The following LRCH2 variants were observed in gnomAD, a reference collection of about 807,000 sequenced individuals.
LRCH2 encodes the protein leucine rich repeats and calponin homology domain containing 2.
In LRCH2, 38 loss-of-function variants were observed where a neutral mutation model predicts 68.9. The observed-to-expected ratio is 0.55, with a 90% CI of 0.43 to 0.72. The LOEUF (loss-of-function observed/expected upper bound fraction) is 0.72, where lower values mean the gene tolerates loss of function less well. LRCH2 is among the 30% of genes least tolerant of loss of function. LRCH2 has a pLI of 0.00. For synonymous variants in LRCH2, 191 were observed against 208.1 expected (o/e 0.92, Z 0.71); for missense variants, 528 against 572.9 (o/e 0.92, Z 0.80).
At chrX:115,139,938 C>T in intron 14 of LRCH2, among the ~76,000 whole-genome samples, 1 of 111,353 alleles carries the variant, frequency 9.0e-6, no homozygotes, top group South Asian at 3.8e-4. Context: ...ACAAGGATTG[C>T]AATTTCTAGG....
At chrX:115,177,167 C>T (rs1556550830) in intron 5 of LRCH2, among the ~76,000 whole-genome samples, 1 of 101,939 alleles carries the variant, frequency 9.8e-6, no homozygotes, top group African/African-American at 3.6e-5. Flanking sequence ...TGGGTTCTAA[C>T]AATCCTCCCA....
At chrX:115,178,789 A>G (rs149327790) in intron 5 of LRCH2, among the ~76,000 whole-genome samples, 2 of 112,494 alleles carry the variant, frequency 1.8e-5, no homozygotes, top group Non-Finnish European at 3.8e-5. Context: ...GGCACACAGC[A>G]TAAAGTACCA....
At chrX:115,118,181 T>TA (rs1158334529) in intron 20 of LRCH2, among the ~76,000 whole-genome samples, 2 of 109,760 alleles carry the variant, frequency 1.8e-5, no homozygotes, top group Non-Finnish European at 3.8e-5. Context: ...ACTCCATCTC[T>TA]AAAAAAAGGG....
chrX:115,173,375 T>C (rs2072619942), intron 5 of LRCH2, among the ~76,000 whole-genome samples: 1 of 111,628 alleles, frequency 9.0e-6, no homozygotes, highest in South Asian at 3.7e-4. Context: ...CGCTAGAAGG[T>C]AATTAACACT....
At chrX:115,126,482 T>C (rs2072201092) in intron 16 of LRCH2, 1 of 122,807 alleles carries the variant, frequency 8.1e-6, no homozygotes, top group South Asian at 3.3e-4. Flanking sequence ...AAAGTTGTTC[T>C]TAAAATCTAT....
chrX:115,198,619 T>A (rs1436919272), intron 1 of LRCH2: 2 of 159,794 alleles, frequency 1.3e-5, no homozygotes, highest in Non-Finnish European at 2.7e-5. Context: ...TTACTGAAGG[T>A]CTCCAAGGAC....
chrX:115,226,017 A>G (rs2073116620), intron 1 of LRCH2, among the ~76,000 whole-genome samples: 1 of 112,194 alleles, frequency 8.9e-6, no homozygotes, highest in African/African-American at 3.2e-5. Context: ...CGGTTTGAAC[A>G]CTGACATACT....
At chrX:115,228,543 C>G (rs1556577228) in intron 1 of LRCH2, among the ~76,000 whole-genome samples, 1 of 110,951 alleles carries the variant, frequency 9.0e-6, no homozygotes, top group African/African-American at 3.3e-5. Context: ...TGGCACCTCC[C>G]AGCAAATCAA....
Position 115,222,937 on chromosome X carries a change from C to G in LRCH2, c.349+10756G>C, listed in dbSNP as rs1310431365. On this transcript the variant is annotated intron_variant, in intron 1 of 20. Transcript: ENST00000317135. ...TCACACTTCCCAATTACCAAACTTACTGCACAGCTACAATAATCAATACAG... is the reference window on the plus strand; with the variant it reads ...TCACACTTCCCAATTACCAAACTTAGTGCACAGCTACAATAATCAATACAG... Among the ~76,000 whole-genome samples the G allele has an allele frequency of 2.7e-5, 3 of 111,939 alleles. No individual in the cohort carries two copies. The East Asian group carries it at 8.5e-4, about 32-fold the overall frequency.
intron 1 of LRCH2, among the ~76,000 whole-genome samples, chrX:115,224,258 A>T (rs782297989): frequency 1.6e-4 from 18 of 111,758 alleles, no homozygotes; most frequent in African/African-American, 5.5e-4. Context: ...TTTGTACAGG[A>T]TTTCTTTCAG....
At chrX:115,207,242 G>GA (rs145621293) in intron 1 of LRCH2, among the ~76,000 whole-genome samples, 126 of 108,203 alleles carry the variant, frequency 1.2e-3, no homozygotes, top group African/African-American at 4.0e-3. Flanking sequence ...AAAATCGGGG[G>GA]AAAAAAAAAC....
At chrX:115,232,687 C>A (rs114260428) in intron 1 of LRCH2, among the ~76,000 whole-genome samples, 1,579 of 111,530 alleles carry the variant, frequency 0.014, 28 homozygotes, top group African/African-American at 0.049. Flanking sequence ...AAAATGACGA[C>A]ATCTATTAAA....
At chrX:115,166,610 G>C (rs987896133) in intron 6 of LRCH2, among the ~76,000 whole-genome samples, 25 of 110,804 alleles carry the variant, frequency 2.3e-4, no homozygotes, top group African/African-American at 8.2e-4. Context: ...AGAAAATCAG[G>C]CTGCCTTGTT....
At chrX:115,167,920 A>G (rs1556546006) in intron 6 of LRCH2, among the ~76,000 whole-genome samples, 1 of 112,120 alleles carries the variant, frequency 8.9e-6, no homozygotes, top group Non-Finnish European at 1.9e-5. Flanking sequence ...GTAGTAAATG[A>G]CAATGATGAT....
At position 115,167,441 on chromosome X, in the gene LRCH2, A is replaced by G. The variant is rs782579414; in HGVS notation, c.999-1099T>C. ...AAGGTAAATACAAAGTGCTATGAGA[A>G]AAAAAAAAAAGGTCAACTAATTCTC... On this transcript the variant is annotated intron_variant, in intron 6 of 20. Coordinates refer to ENST00000317135, the MANE Select transcript of LRCH2 (RefSeq NM_020871.4). Among the ~76,000 whole-genome samples the G allele has an allele frequency of 5.7e-5, 6 of 105,261 alleles. 1 individual carries two copies. The highest frequency in any genetic ancestry group is 4.1e-4 in the South Asian group (1 of 2,460). The allele number at this position is 105,261 out of a possible 115,157, so 91.4% of individuals were successfully genotyped here.
chrX:115,124,442 A>T (rs1490528673), intron 16 of LRCH2, among the ~76,000 whole-genome samples: 1 of 112,384 alleles, frequency 8.9e-6, no homozygotes, highest in Admixed American at 9.5e-5. Flanking sequence ...AGAATGATAG[A>T]TGATAAATAT....
intron 1 of LRCH2, among the ~76,000 whole-genome samples, chrX:115,221,091 G>A (rs956002471): frequency 9.8e-6 from 1 of 101,773 alleles, no homozygotes; most frequent in South Asian, 4.7e-4. Flanking sequence ...GCAGGAGAAT[G>A]GCGTGAACCT....
At chrX:115,204,590 T>C (rs1415956036) in intron 1 of LRCH2, among the ~76,000 whole-genome samples, 1 of 112,073 alleles carries the variant, frequency 8.9e-6, no homozygotes, top group African/African-American at 3.2e-5. Context: ...AAATTTCTTC[T>C]GCCAGATACC....
chrX:115,223,125 A>G (rs782189907), intron 1 of LRCH2, among the ~76,000 whole-genome samples: 4 of 111,927 alleles, frequency 3.6e-5, no homozygotes, highest in Non-Finnish European at 7.5e-5. Flanking sequence ...GGACAACTAG[A>G]TACCCACATG....
Sources: gnomAD v4.1 joint callset for allele counts (sites outside exome capture counted in the v4.1 genomes callset) on GRCh38, gnomAD v4.1.1 for gene constraint, MANE v1.5 for transcripts, NCBI Gene and HGNC (gene_info 2026-07-23, HGNC 2026-07-21) for gene names.